The following IGFBP2 variants were observed in gnomAD, a reference collection of about 807,000 sequenced individuals.
The protein encoded by IGFBP2 is insulin like growth factor binding protein 2, also known as insulin-like growth factor-binding protein 2.
Under a neutral mutation model 26.2 loss-of-function variants are expected in IGFBP2, and 12 were observed. The observed-to-expected ratio is 0.46, with a 90% CI of 0.29 to 0.74. The LOEUF (loss-of-function observed/expected upper bound fraction) is 0.74, where lower values mean the gene tolerates loss of function less well. Among genes scored for constraint, IGFBP2 ranks in the 30% least tolerant of loss-of-function variants. The pLI is 0.09. For synonymous variants in IGFBP2, 189 were observed against 200.6 expected, an observed-to-expected ratio of 0.94 and a Z score of 0.49; for missense variants, 328 against 441.2, an observed-to-expected ratio of 0.74 and a Z score of 2.30.
Position 216,633,536 on chromosome 2 carries a change from G to A in IGFBP2, c.13G>A (p.Val5Met). 1.1e-6 allele frequency: 1 copy of A among 898,348 alleles called. No homozygotes were observed. Among genetic ancestry groups the A allele is most frequent in the Non-Finnish European group, 1.3e-6 (1 of 746,264 alleles). The allele number at this position is 898,348 out of a possible 1,614,324, so 55.6% of individuals were successfully genotyped here. A position where few individuals can be genotyped will look rare whatever the true frequency, so the allele number is the denominator to read the frequency against. Residue 5 changes from valine (V) to methionine (M), a missense_variant, in exon 1 of 4, where the codon GTG (valine) becomes ATG (methionine). By Grantham distance (21) the Val-to-Met change is conservative. Coordinates refer to ENST00000233809, the MANE Select transcript of IGFBP2 (RefSeq NM_000597.3). ...GCCGACCGCCAGCATGCTGCCGAGA[G>A]TGGGCTGCCCCGCGCTGCCGCTGCC... MLPR[V>M]GCPALPLPPP...
At chr2:216,650,973 C>T (rs1018012595) in intron 1 of IGFBP2, among the ~76,000 whole-genome samples, 1 of 152,042 alleles carries the variant, frequency 6.6e-6, no homozygotes, top group Non-Finnish European at 1.5e-5. Flanking sequence ...ATAGATGGAC[C>T]AGTTGGGGTG....
chr2:216,652,191 G>A (rs1368431382), intron 1 of IGFBP2, among the ~76,000 whole-genome samples: 1 of 82,936 alleles, frequency 1.2e-5, no homozygotes, highest in African/African-American at 4.7e-5. Context: ...TTTTTTTTTT[G>A]AGACTGAGCT....
intron 1 of IGFBP2, among the ~76,000 whole-genome samples, chr2:216,641,076 C>T (rs1020087325): frequency 1.3e-5 from 2 of 152,198 alleles, no homozygotes; most frequent in Non-Finnish European, 2.9e-5. Flanking sequence ...TAAGGCTCTT[C>T]CTCCAATGCC....
intron 1 of IGFBP2, among the ~76,000 whole-genome samples, chr2:216,651,793 C>T (rs1697829791): frequency 1.3e-5 from 2 of 152,182 alleles, no homozygotes; most frequent in Non-Finnish European, 2.9e-5. Flanking sequence ...CTTGCTTTGT[C>T]GCCCAGGCTG....
Position 216,661,013 on chromosome 2 carries a change from A to G in IGFBP2, c.672+227A>G, listed in dbSNP as rs141747788. 3.6e-3 allele frequency: 2,051 copies of G among 570,834 alleles called. 10 individuals carry two copies. The highest frequency in any genetic ancestry group is 5.1e-3 in the Non-Finnish European group (1,636 of 320,902). 35.4% of individuals were successfully genotyped at this position (570,834 alleles called of 1,614,324 possible). On this transcript the variant is annotated intron_variant, in intron 2 of 3. Coordinates refer to ENST00000233809, the MANE Select transcript of IGFBP2 (RefSeq NM_000597.3). ...GGTTTCTTGATGTTCTTTCCTTCTA[A>G]AACCTTCACATTTCTGTATGGTTTT...
chr2:216,658,021 A>G (rs1697951187), intron 1 of IGFBP2, among the ~76,000 whole-genome samples: 1 of 152,054 alleles, frequency 6.6e-6, no homozygotes, highest in African/African-American at 2.4e-5. Flanking sequence ...CATCAACGTA[A>G]TTCTTGTTTT....
In IGFBP2 at chr2:216,660,561, T is replaced by C; in HGVS notation, c.447T>C (p.Asn149=). 1 of 1,598,168 alleles carries C rather than the reference T, an allele frequency of 6.3e-7. No individual in the cohort carries two copies. Among genetic ancestry groups the C allele is most frequent in the Non-Finnish European group, 8.5e-7 (1 of 1,170,646 alleles). The change falls in exon 2 of 4, where the codon AAT becomes AAC. Residue 149 remains asparagine (N), a synonymous_variant. Coordinates refer to ENST00000233809, the MANE Select transcript of IGFBP2 (RefSeq NM_000597.3). ...YGASPEQVAD[N]GDDHSEGGLV... is the part of the protein sequence containing the mutation. ...CTTCCCTTCCTCTCTTGGCAGACAA[T>C]GGCGATGACCACTCAGAAGGAGGCC...
At chr2:216,637,823 C>G (rs1460135675) in intron 1 of IGFBP2, among the ~76,000 whole-genome samples, 1 of 152,212 alleles carries the variant, frequency 6.6e-6, no homozygotes, top group Admixed American at 6.5e-5. Flanking sequence ...TGTTGGCCTA[C>G]TTCAGCACTG....
At chr2:216,656,716 C>A (rs1282286273) in intron 1 of IGFBP2, among the ~76,000 whole-genome samples, 1 of 152,100 alleles carries the variant, frequency 6.6e-6, no homozygotes, top group Non-Finnish European at 1.5e-5. Flanking sequence ...TTCCCGTCTC[C>A]AACCAGACAA....
chr2:216,659,612 G>T, intron 1 of IGFBP2: 1 of 869,210 alleles, frequency 1.2e-6, no homozygotes, highest in Non-Finnish European at 1.9e-6. Context: ...GCCTCAGCCA[G>T]AGTGAGACTG....
chr2:216,642,835 C>T (rs1419832737), intron 1 of IGFBP2, among the ~76,000 whole-genome samples: 1 of 152,132 alleles, frequency 6.6e-6, no homozygotes, highest in African/African-American at 2.4e-5. Flanking sequence ...CTTTGCCTGG[C>T]CAGCCAACCT....
chr2:216,647,597 G>A (rs564959496), intron 1 of IGFBP2, among the ~76,000 whole-genome samples: 63 of 152,238 alleles, frequency 4.1e-4, no homozygotes, highest in African/African-American at 9.1e-4. Flanking sequence ...TCGGCTTACC[G>A]CAAGCTCCGC....
chr2:216,649,602 A>G lies in IGFBP2; in HGVS notation c.443-10955A>G, dbSNP rs141947489. 5.7e-4 allele frequency among the ~76,000 whole-genome samples: 87 copies of G among 152,330 alleles called. 1 individual carries two copies. The East Asian group carries it at 0.016, about 28-fold the overall frequency. On this transcript the variant is annotated intron_variant, in intron 1 of 3. Coordinates refer to ENST00000233809, the MANE Select transcript of IGFBP2 (RefSeq NM_000597.3). ...GACCCGTGGAAAGGAGTGAAAGCTG[A>G]TAGTGCTGTTTGCCATCTTGATATC... is the stretch of plus-strand genomic sequence containing the variant.
chr2:216,658,239 A>T, intron 1 of IGFBP2, among the ~76,000 whole-genome samples: 1 of 152,140 alleles, frequency 6.6e-6, no homozygotes, highest in Non-Finnish European at 1.5e-5. Flanking sequence ...TGGAAACCAG[A>T]CATCCAGAAG....
At chr2:216,657,699 G>A (rs1028239906) in intron 1 of IGFBP2, among the ~76,000 whole-genome samples, 5 of 152,166 alleles carry the variant, frequency 3.3e-5, no homozygotes, top group Admixed American at 1.3e-4. Flanking sequence ...GATTAGACAT[G>A]GTGGAGCAGG....
intron 1 of IGFBP2, among the ~76,000 whole-genome samples, chr2:216,635,921 T>C (rs1377725332): frequency 6.7e-6 from 1 of 149,614 alleles, no homozygotes; most frequent in Admixed American, 6.6e-5. Context: ...TGCACCGGCC[T>C]GGGAAGAGGG....
intron 1 of IGFBP2, among the ~76,000 whole-genome samples, chr2:216,652,467 C>T (rs1451613308): frequency 5.9e-5 from 9 of 152,326 alleles, no homozygotes; most frequent in Non-Finnish European, 8.8e-5. Context: ...TGAGCCACCG[C>T]GCCCCGCCCC....
chr2:216,663,716 C>T (rs1208991325), intron 3 of IGFBP2: 10 of 481,784 alleles, frequency 2.1e-5, no homozygotes, highest in South Asian at 6.8e-5. Context: ...ATCAGCATCA[C>T]GTTGGAGCTC....
At position 216,636,995 on chromosome 2, in the gene IGFBP2, G is replaced by C. The variant is rs9341108; in HGVS notation, c.442+3030G>C. 7.9e-3 allele frequency among the ~76,000 whole-genome samples: 1,206 copies of C among 152,242 alleles called. 9 individuals are homozygous for C. Among genetic ancestry groups the C allele is most frequent in the Non-Finnish European group, 0.013 (856 of 67,998 alleles). ...CTGCAGTTGCCGGGGAAGAATAAAG[G>C]GGGGAAGAGGCAAGCACTGATTTAC... On this transcript the variant is annotated intron_variant, in intron 1 of 3. Transcript: ENST00000233809.
Sources: allele counts gnomAD v4.1 joint callset (sites outside exome capture counted in the v4.1 genomes callset), GRCh38; gene constraint gnomAD v4.1.1; transcripts MANE v1.5; gene names NCBI Gene and HGNC (gene_info 2026-07-23, HGNC 2026-07-21).